The following ZC3H10 variants were observed in gnomAD, a reference collection of about 807,000 sequenced individuals.
ZC3H10 encodes zinc finger CCCH-type containing 10.
Under a neutral mutation model 24.3 loss-of-function variants are expected in ZC3H10, and 12 were observed. The ratio of observed to expected loss-of-function variants is 0.49; its 90% confidence interval spans 0.32 to 0.80. ZC3H10 has a LOEUF of 0.80. ZC3H10 is among the 30% of genes least tolerant of loss of function. The pLI is 0.04. For missense variants in ZC3H10, 360 were observed against 576.3 expected (o/e 0.62, Z 3.84); for synonymous variants, 226 against 217.0 (o/e 1.04, Z -0.36).
At position 56,121,507 on chromosome 12, in the gene ZC3H10, T is replaced by C; in HGVS notation, c.945T>C (p.Thr315=). ...FNHGIAQTHT[T]LSSQALQPRP... ...ATGGCATTGCCCAGACTCACACTAC[T>C]CTCAGCAGCCAGGCTCTACAGCCTC... The change falls in exon 3 of 3, where the codon ACT becomes ACC. Residue 315 remains threonine (T), a synonymous_variant. Transcript: ENST00000257940. The surrounding 1 kb of genome is among the most constrained non-coding windows in gnomAD (Gnocchi z 6.2). The C allele has an allele frequency of 6.2e-7, 1 of 1,613,734 alleles. No homozygotes were observed. The highest frequency in any genetic ancestry group is 8.5e-7 in the Non-Finnish European group (1 of 1,179,698).
rs1869780360 is a variant in ZC3H10 at position 56,120,592 on chromosome 12, T to C, written c.30T>C (p.Gly10=). The change falls in exon 3 of 3, where the codon GGT becomes GGC. Residue 10 remains glycine, a synonymous_variant. Transcript: ENST00000257940. The stretch of plus-strand genomic sequence containing the variant: ...CTGACCGGGACAGCTATGCCAACGG[T>C]ACCGGGAGCAGCGGTGGAGGCCCTG... MPDRDSYAN[G]TGSSGGGPGG... is the part of the protein sequence containing the mutation. The C allele has an allele frequency of 6.4e-7, 1 of 1,572,838 alleles. No individual in the cohort carries two copies. Among genetic ancestry groups the C allele is most frequent in the Admixed American group, 1.8e-5 (1 of 56,622 alleles).
rs906645092 is a variant in ZC3H10, at chr12:56,124,061, A to G, written c.*2194A>G. The G allele has an allele frequency of 6.6e-6, 1 of 152,208 alleles. No individual in the cohort carries two copies. The allele number at this position is 152,208 out of a possible 1,614,324, so 9.4% of individuals were successfully genotyped here. A position where few individuals can be genotyped will look rare whatever the true frequency, so the allele number is the denominator to read the frequency against. ...GTTAAGTGATTTTGGGGAAGATTCA[A>G]GAAAGTGGGTGTTCTTTTGGATTGG... On this transcript the variant is annotated 3_prime_UTR_variant, in exon 3 of 3. Coordinates refer to ENST00000257940, the MANE Select transcript of ZC3H10 (RefSeq NM_032786.3).
Position 56,126,503 on chromosome 12 carries a change from A to T in ZC3H10, c.*4636A>T, listed in dbSNP as rs867777555. 1.1e-4 allele frequency: 16 copies of T among 152,126 alleles called. No individual in the cohort carries two copies. The highest frequency in any genetic ancestry group is 1.0e-3 in the Admixed American group (16 of 15,276). The allele number at this position is 152,126 out of a possible 1,614,324, so 9.4% of individuals were successfully genotyped here. A position where few individuals can be genotyped will look rare whatever the true frequency, so the allele number is the denominator to read the frequency against. On this transcript the variant is annotated 3_prime_UTR_variant, in exon 3 of 3. Coordinates refer to ENST00000257940, the MANE Select transcript of ZC3H10 (RefSeq NM_032786.3). The stretch of plus-strand genomic sequence containing the variant: ...AGTTTTATCCCCTATATAATTTCTG[A>T]TGATCTGGATGAGGTGAGGAAGGGA...
chr12:56,120,276 G>C (rs576920559), intron 2 of ZC3H10: 1 of 985,366 alleles, frequency 1.0e-6, no homozygotes, highest in South Asian at 4.7e-5. Context: ...TCCCTGCTCC[G>C]TCCTGGGCCT....
Position 56,125,029 on chromosome 12 carries a change from G to A in ZC3H10, c.*3162G>A, listed in dbSNP as rs994009580. ...TACAAATACAGCAGTTCTATGTTCT[G>A]CCTAAGTGTAACCACTTAGTAGTGT... On this transcript the variant is annotated 3_prime_UTR_variant, in exon 3 of 3. Coordinates refer to ENST00000257940, the MANE Select transcript of ZC3H10 (RefSeq NM_032786.3). 7.2e-5 allele frequency: 11 copies of A among 152,106 alleles called. No homozygotes were observed. The highest frequency in any genetic ancestry group is 2.4e-4 in the African/African-American group (10 of 41,394). 9.4% of individuals were successfully genotyped at this position (152,106 alleles called of 1,614,324 possible).
chr12:56,125,024 G>A lies in ZC3H10; in HGVS notation c.*3157G>A, dbSNP rs1346484655. 2 of 152,106 alleles carry A rather than the reference G, an allele frequency of 1.3e-5. No homozygotes were observed. Among genetic ancestry groups the A allele is most frequent in the East Asian group, 3.9e-4 (2 of 5,194 alleles). 9.4% of individuals were successfully genotyped at this position (152,106 alleles called of 1,614,324 possible). A position where few individuals can be genotyped will look rare whatever the true frequency, so the allele number is the denominator to read the frequency against. On this transcript the variant is annotated 3_prime_UTR_variant, in exon 3 of 3. Transcript: ENST00000257940. ...TAGATTACAAATACAGCAGTTCTAT[G>A]TTCTGCCTAAGTGTAACCACTTAGT...
rs1412084445 is a variant in ZC3H10, at chr12:56,120,905, C to T, written c.343C>T (p.Leu115=). Residue 115 remains leucine, a synonymous_variant, in exon 3 of 3, where the codon CTG becomes TTG. Transcript: ENST00000257940. ...YKKTGELPPR[L]RQKVAAGLGL... ...GAAGACAGGAGAGCTTCCCCCACGG[C>T]TGAGGCAGAAAGTAGCAGCTGGCCT... The T allele has an allele frequency of 6.2e-7, 1 of 1,614,198 alleles. No individual in the cohort carries two copies. The highest frequency in any genetic ancestry group is 1.7e-5 in the Admixed American group (1 of 60,024).
chr12:56,121,571 G>T lies in ZC3H10; in HGVS notation c.1009G>T (p.Ala337Ser). The T allele has an allele frequency of 6.2e-7, 1 of 1,614,010 alleles. No homozygotes were observed. The highest frequency in any genetic ancestry group is 2.2e-5 in the East Asian group (1 of 44,874). Residue 337 changes from alanine to serine, a missense_variant, in exon 3 of 3, where the codon GCT (alanine) becomes TCT (serine). Physicochemically the swap from Ala to Ser is moderately conservative, Grantham distance 99. Around this residue, in one of 3 missense-constraint regions of ZC3H10, gnomAD observed 133 missense variants for 256.7 expected, o/e 0.52. Transcript: ENST00000257940. The surrounding 1 kb of genome is among the most constrained non-coding windows in gnomAD (Gnocchi z 6.2). The stretch of plus-strand genomic sequence containing the variant: ...GCAAGAACTGGTGGCCCCTGCTGGA[G>T]CTCCAGCTGCTCCCCCAACTAATGC... Reference protein sequence around the residue: ...SQQELVAPAGAPAAPPTNAAP... With the variant: ...SQQELVAPAGSPAAPPTNAAP...
Position 56,126,253 on chromosome 12 carries a change from T to C in ZC3H10, c.*4386T>C, listed in dbSNP as rs886491185. Reference sequence around the variant, plus strand: ...ATGCAGATTGCAAGTCCAGGAAGTTTACTCTCTCTCCTCCTGTAGGCCTCA... The same window carrying C: ...ATGCAGATTGCAAGTCCAGGAAGTTCACTCTCTCTCCTCCTGTAGGCCTCA... On this transcript the variant is annotated 3_prime_UTR_variant, in exon 3 of 3. Transcript: ENST00000257940. 1 of 152,228 alleles carries C rather than the reference T, an allele frequency of 6.6e-6. No individual in the cohort carries two copies. Among genetic ancestry groups the C allele is most frequent in the Admixed American group, 6.5e-5 (1 of 15,278 alleles). 9.4% of individuals were successfully genotyped at this position (152,228 alleles called of 1,614,324 possible).
Position 56,124,797 on chromosome 12 carries a change from T to C in ZC3H10, c.*2930T>C, listed in dbSNP as rs952496379. ...GAGCACTCTCACACTAAAAAATTGC[T>C]TAGATCTTGAACTAGTTTGAGGAAC... is the stretch of plus-strand genomic sequence containing the variant. On this transcript the variant is annotated 3_prime_UTR_variant, in exon 3 of 3. Transcript: ENST00000257940. 1.3e-5 allele frequency: 2 copies of C among 152,218 alleles called. No individual in the cohort carries two copies. Among genetic ancestry groups the C allele is most frequent in the Non-Finnish European group, 2.9e-5 (2 of 68,038 alleles). 9.4% of individuals were successfully genotyped at this position (152,218 alleles called of 1,614,324 possible). A position where few individuals can be genotyped will look rare whatever the true frequency, so the allele number is the denominator to read the frequency against.
chr12:56,120,255 A>G (rs1297330688), intron 2 of ZC3H10: 2 of 985,342 alleles, frequency 2.0e-6, no homozygotes, highest in African/African-American at 1.7e-5. Flanking sequence ...ATGAATTCCA[A>G]CACTATTTTT....
At chr12:56,119,529 A>T (rs561171643) in intron 2 of ZC3H10, 1 of 152,318 alleles carries the variant, frequency 6.6e-6, no homozygotes, top group South Asian at 2.1e-4. Flanking sequence ...CTATTTCAGC[A>T]GCAGGGGGAG....
At position 56,121,061 on chromosome 12, in the gene ZC3H10, G is replaced by T; in HGVS notation, c.499G>T (p.Ala167Ser). 1 of 1,614,198 alleles carries T rather than the reference G, an allele frequency of 6.2e-7. No homozygotes were observed. The highest frequency in any genetic ancestry group is 1.7e-5 in the Admixed American group (1 of 60,030). ...CCTGCAACGGGATTTTGAGTTTGAT[G>T]CTCGGGGTGGAGGAGGCACTGGTGG... The part of the protein sequence containing the change: ...RHLQRDFEFD[A>S]RGGGGTGGGS... Residue 167 changes from alanine (A) to serine (S), a missense_variant, in exon 3 of 3, where the codon GCT becomes TCT. Ala to Ser is a moderately conservative substitution (Grantham distance 99, BLOSUM62 1). Transcript: ENST00000257940. This position sits in a 1 kb window ranked among gnomAD's most constrained non-coding sequence, Gnocchi z 6.2.
Position 56,122,691 on chromosome 12 carries a change from T to C in ZC3H10, c.*824T>C, listed in dbSNP as rs1869882928. The C allele has an allele frequency of 6.6e-6, 1 of 152,232 alleles. No homozygotes were observed. The highest frequency in any genetic ancestry group is 1.9e-4 in the East Asian group (1 of 5,198). 9.4% of individuals were successfully genotyped at this position (152,232 alleles called of 1,614,324 possible). The stretch of plus-strand genomic sequence containing the variant: ...GAAGGCACTTTATGGGGTAAAAGCT[T>C]TGGAGCCACCCAGTCTAGTTTTAAA... On this transcript the variant is annotated 3_prime_UTR_variant, in exon 3 of 3. Transcript: ENST00000257940.
chr12:56,121,024 C>A lies in ZC3H10; in HGVS notation c.462C>A (p.Cys154Ter). The change falls in exon 3 of 3, where the codon TGC becomes TGA. Residue 154 changes from cysteine (C) to a stop codon, truncating the protein, a stop_gained. Coordinates refer to ENST00000257940, the MANE Select transcript of ZC3H10 (RefSeq NM_032786.3). LOFTEE classifies it high-confidence loss of function. The surrounding 1 kb of genome is among the most constrained non-coding windows in gnomAD (Gnocchi z 6.2). ...GTGACTGTCAGAGAGGAGCCAAGTG[C>A]AAGTTCCGTCACCTGCAACGGGATT... Reference protein sequence around the residue: ...LKGDCQRGAKCKFRHLQRDFE... With the variant: ...LKGDCQRGAK 6.2e-7 allele frequency: 1 copy of A among 1,614,174 alleles called. No homozygotes were observed. Among genetic ancestry groups the A allele is most frequent in the Non-Finnish European group, 8.5e-7 (1 of 1,180,032 alleles).
chr12:56,125,817 ACT>A lies in ZC3H10; in HGVS notation c.*3953_*3954del, dbSNP rs1869975880. The A allele has an allele frequency of 7.1e-6, 1 of 141,216 alleles. No individual in the cohort carries two copies. Among genetic ancestry groups the A allele is most frequent in the Non-Finnish European group, 1.5e-5 (1 of 66,038 alleles). 8.7% of individuals were successfully genotyped at this position (141,216 alleles called of 1,614,324 possible). A position where few individuals can be genotyped will look rare whatever the true frequency, so the allele number is the denominator to read the frequency against. On this transcript the variant is annotated 3_prime_UTR_variant, in exon 3 of 3. Coordinates refer to ENST00000257940, the MANE Select transcript of ZC3H10 (RefSeq NM_032786.3). ...TTTTTTTTTTTTGAGACGGAGTATC[ACT>A]CTGTTGCCCAGGCTGGAGTGTAGTG...
chr12:56,121,075 A>G lies in ZC3H10; in HGVS notation c.513A>G (p.Gly171=). 1 of 1,614,136 alleles carries G rather than the reference A, an allele frequency of 6.2e-7. No homozygotes were observed. Among genetic ancestry groups the G allele is most frequent in the South Asian group, 1.1e-5 (1 of 91,086 alleles). The stretch of plus-strand genomic sequence containing the variant: ...TTGAGTTTGATGCTCGGGGTGGAGG[A>G]GGCACTGGTGGGGGCTCAACAGGCT... ...RDFEFDARGG[G]GTGGGSTGSV... is the part of the protein sequence containing the mutation. The change falls in exon 3 of 3, where the codon GGA becomes GGG. Residue 171 remains glycine (G), a synonymous_variant. Coordinates refer to ENST00000257940, the MANE Select transcript of ZC3H10 (RefSeq NM_032786.3). The surrounding 1 kb of genome is among the most constrained non-coding windows in gnomAD (Gnocchi z 6.2).
Position 56,119,069 on chromosome 12 carries a change from CTG to C in ZC3H10, c.-116-17_-116-16del, listed in dbSNP as rs1314945118. On this transcript the variant is annotated splice_polypyrimidine_tract_variant and intron_variant, in intron 1 of 2. Transcript: ENST00000257940. ...CTTACTCCTTCTTCCACCCAAGTCT[CTG>C]TTTTTTTCCTGCTCAGAACCCAGCA... The C allele has an allele frequency of 1.3e-5, 2 of 152,732 alleles. No individual in the cohort carries two copies. Among genetic ancestry groups the C allele is most frequent in the Admixed American group, 6.5e-5 (1 of 15,286 alleles). 9.5% of individuals were successfully genotyped at this position (152,732 alleles called of 1,614,324 possible).
Position 56,124,582 on chromosome 12 carries a change from T to G in ZC3H10, c.*2715T>G, listed in dbSNP as rs1006726919. The G allele has an allele frequency of 7.2e-5, 11 of 152,256 alleles. No homozygotes were observed. Among genetic ancestry groups the G allele is most frequent in the African/African-American group, 2.4e-4 (10 of 41,472 alleles). 9.4% of individuals were successfully genotyped at this position (152,256 alleles called of 1,614,324 possible). On this transcript the variant is annotated 3_prime_UTR_variant, in exon 3 of 3. Coordinates refer to ENST00000257940, the MANE Select transcript of ZC3H10 (RefSeq NM_032786.3). ...GTAGAATCAAACTGAACACTTGTAC[T>G]TAGTGTTGGTTAGCGCATTTATGTT...
Sources: gnomAD v4.1 joint callset for allele counts on GRCh38, gnomAD v4.1.1 for gene constraint, gnomAD v4.1.1 regional missense constraint, Gnocchi (gnomAD v3.1) non-coding constraint, MANE v1.5 for transcripts, NCBI Gene and HGNC (gene_info 2026-07-23, HGNC 2026-07-21) for gene names.